Variants in RAD51B observed in about 807,000 individuals in gnomAD.
RAD51B encodes the protein RAD51 paralog B.
Under a neutral mutation model 42.2 loss-of-function variants are expected in RAD51B, and 38 were observed. The observed-to-expected ratio is 0.90, with a 90% confidence interval of 0.70 to 1.18. The LOEUF is 1.18. Ranked by LOEUF, RAD51B falls within the 50% of genes most tolerant of loss-of-function variation. The pLI is 0.00. For synonymous variants in RAD51B, 154 were observed against 145.2 expected (o/e 1.06, Z -0.43); for missense variants, 373 against 400.7 (o/e 0.93, Z 0.59).
At chr14:68,549,320 C>A (rs944562709) in intron 10 of RAD51B, among the ~76,000 whole-genome samples, 1 of 151,600 alleles carries the variant, frequency 6.6e-6, no homozygotes, top group Admixed American at 6.6e-5. Context: ...TTCATTTGAC[C>A]AGTGAGGAGT....
At chr14:68,532,564 C>A (rs1003089538) in intron 10 of RAD51B, among the ~76,000 whole-genome samples, 1 of 152,112 alleles carries the variant, frequency 6.6e-6, no homozygotes, top group Non-Finnish European at 1.5e-5. Flanking sequence ...CAACCAATAA[C>A]CCATGTAGGA....
chr14:67,986,337 C>T (rs7157185), intron 7 of RAD51B, among the ~76,000 whole-genome samples: 41,556 of 152,038 alleles, frequency 0.27, 7,372 homozygotes, highest in African/African-American at 0.5. Context: ...ATTAAGGATG[C>T]CAGAGAATAC....
chr14:68,205,173 A>G (rs1384963573), intron 7 of RAD51B, among the ~76,000 whole-genome samples: 4 of 152,176 alleles, frequency 2.6e-5, no homozygotes, highest in African/African-American at 9.7e-5. Flanking sequence ...TTAAGTTCTA[A>G]GAAGTTAGAC....
intron 8 of RAD51B, among the ~76,000 whole-genome samples, chr14:68,381,659 G>T (rs1331275768): frequency 6.6e-6 from 1 of 152,198 alleles, no homozygotes; most frequent in South Asian, 2.1e-4. Context: ...CTGCTCAGGC[G>T]ACAGAGCAAG....
At chr14:68,307,819 A>T (rs2081897504) in intron 8 of RAD51B, among the ~76,000 whole-genome samples, 1 of 152,264 alleles carries the variant, frequency 6.6e-6, no homozygotes, top group Non-Finnish European at 1.5e-5. Flanking sequence ...TCTGTAAGCT[A>T]GTATCAAATC....
chr14:68,090,866 A>C, intron 7 of RAD51B, among the ~76,000 whole-genome samples: 1 of 84,230 alleles, frequency 1.2e-5, no homozygotes, highest in Admixed American at 1.8e-4. Flanking sequence ...CCCACCCCAC[A>C]ACAGTCCCCA....
chr14:68,503,613 G>A (rs1031832863), intron 10 of RAD51B, among the ~76,000 whole-genome samples: 7 of 152,234 alleles, frequency 4.6e-5, no homozygotes, highest in African/African-American at 1.4e-4. Context: ...CCATATGGAA[G>A]TGTCAGCTGG....
intron 11 of RAD51B, among the ~76,000 whole-genome samples, chr14:68,653,114 G>A (rs1006099797): frequency 1.3e-5 from 2 of 152,130 alleles, no homozygotes; most frequent in Non-Finnish European, 2.9e-5. Context: ...TTCTAACTTG[G>A]TGGGCTCACG....
intron 10 of RAD51B, among the ~76,000 whole-genome samples, chr14:68,504,502 G>T (rs1885142779): frequency 6.6e-6 from 1 of 152,202 alleles, no homozygotes; most frequent in African/African-American, 2.4e-5. Flanking sequence ...CAGTGCCTCT[G>T]ATCATGAAGA....
At chr14:68,351,422 T>C (rs2082785762) in intron 8 of RAD51B, among the ~76,000 whole-genome samples, 3 of 152,338 alleles carry the variant, frequency 2.0e-5, no homozygotes, top group Middle Eastern at 3.4e-3. Context: ...ATTTGATGAA[T>C]GTTTATGGTA....
intron 7 of RAD51B, among the ~76,000 whole-genome samples, chr14:68,084,473 C>G (rs2076956075): frequency 6.6e-6 from 1 of 152,204 alleles, no homozygotes; most frequent in Non-Finnish European, 1.5e-5. Flanking sequence ...AGTAGCAGCA[C>G]TCCCTTGGGG....
intron 8 of RAD51B, among the ~76,000 whole-genome samples, chr14:68,304,160 ACT>A (rs1047096333): frequency 3.9e-5 from 5 of 128,288 alleles, no homozygotes; most frequent in African/African-American, 1.4e-4. Flanking sequence ...AGAGAGCAAG[ACT>A]CTGTCTCAAA....
chr14:68,618,045 T>A (rs1405654664), intron 10 of RAD51B, among the ~76,000 whole-genome samples: 3 of 151,614 alleles, frequency 2.0e-5, no homozygotes, highest in Non-Finnish European at 2.9e-5. Flanking sequence ...TGGCTGGGGG[T>A]TCCAAGATAT....
intron 10 of RAD51B, among the ~76,000 whole-genome samples, chr14:68,589,458 G>T (rs1890640782): frequency 6.6e-6 from 1 of 152,104 alleles, no homozygotes; most frequent in African/African-American, 2.4e-5. Flanking sequence ...ACTCAAAACG[G>T]CTATCACATC....
intron 9 of RAD51B, among the ~76,000 whole-genome samples, chr14:68,443,434 G>A (rs17755752): frequency 0.16 from 23,976 of 152,172 alleles, 2,502 homozygotes; most frequent in Non-Finnish European, 0.23. Context: ...ACCTGGGAGT[G>A]GTTTTCCACA....
At chr14:68,073,385 C>T (rs2076784348) in intron 7 of RAD51B, among the ~76,000 whole-genome samples, 1 of 152,178 alleles carries the variant, frequency 6.6e-6, no homozygotes, top group African/African-American at 2.4e-5. Context: ...GGATCTTTCT[C>T]CATCCCTTTA....
chr14:68,099,189 A>G (rs2077247433), intron 7 of RAD51B, among the ~76,000 whole-genome samples: 2 of 152,194 alleles, frequency 1.3e-5, no homozygotes, highest in Admixed American at 1.3e-4. Context: ...GAGAACACAT[A>G]AAGTCTTATT....
At chr14:68,656,916 G>C (rs1892827925) in intron 11 of RAD51B, among the ~76,000 whole-genome samples, 1 of 152,220 alleles carries the variant, frequency 6.6e-6, no homozygotes, top group South Asian at 2.1e-4. Context: ...AGGGAGAGAG[G>C]ACAGGGTGTA....
chr14:68,100,691 A>G (rs549347802), intron 7 of RAD51B, among the ~76,000 whole-genome samples: 1 of 152,312 alleles, frequency 6.6e-6, no homozygotes, highest in East Asian at 1.9e-4. Flanking sequence ...GGCTATGAAT[A>G]TTGAATTGGC....
Sources: gnomAD v4.1 joint callset for allele counts (sites outside exome capture counted in the v4.1 genomes callset) on GRCh38, gnomAD v4.1.1 for gene constraint, MANE v1.5 for transcripts, NCBI Gene and HGNC (gene_info 2026-07-23, HGNC 2026-07-21) for gene names.